RALGPS1: variants seen among roughly 807,000 people sequenced by gnomAD.
The protein encoded by RALGPS1 is Ral GEF with PH domain and SH3 binding motif 1.
RALGPS1 carries 19 observed loss-of-function variants against 78.8 expected under a neutral mutation model. The ratio of observed to expected loss-of-function variants is 0.24; its 90% CI spans 0.17 to 0.35. The LOEUF is 0.35. RALGPS1 is among the 10% of genes least tolerant of loss of function. The probability of loss-of-function intolerance (pLI) is 1.00; values close to 1 mark genes in which losing one functional copy is unlikely to be tolerated. For synonymous variants in RALGPS1, 228 were observed against 256.3 expected (o/e 0.89, Z 1.06); for missense variants, 454 against 688.3 (o/e 0.66, Z 3.81).
intron 7 of RALGPS1, among the ~76,000 whole-genome samples, chr9:127,055,709 C>G (rs2048684036): frequency 6.6e-6 from 1 of 152,228 alleles, no homozygotes; most frequent in African/African-American, 2.4e-5. Context: ...TGCTCTTAAC[C>G]ACCATACCCC....
chr9:127,208,665 C>T (rs924858378), intron 14 of RALGPS1, among the ~76,000 whole-genome samples: 4 of 152,150 alleles, frequency 2.6e-5, no homozygotes, highest in Non-Finnish European at 5.9e-5. Context: ...CTGTCAAGAG[C>T]CCACCCAGAG....
intron 4 of RALGPS1, among the ~76,000 whole-genome samples, chr9:127,005,571 G>GTT (rs201095428): frequency 1.1e-4 from 17 of 151,536 alleles, no homozygotes; most frequent in African/African-American, 3.9e-4. Context: ...TTCTCAGGAG[G>GTT]TTTTTTTTTA....
At chr9:127,014,089 G>A (rs1280305974) in intron 4 of RALGPS1, among the ~76,000 whole-genome samples, 1 of 152,208 alleles carries the variant, frequency 6.6e-6, no homozygotes, top group Non-Finnish European at 1.5e-5. Context: ...TGGCATTACT[G>A]ATTAAAGGAT....
intron 4 of RALGPS1, among the ~76,000 whole-genome samples, chr9:127,002,893 G>A (rs2043471323): frequency 6.6e-6 from 1 of 152,030 alleles, no homozygotes. Context: ...TGTGAATAAT[G>A]CTGCAATAAA....
At chr9:127,149,581 C>T (rs1167285242) in intron 8 of RALGPS1, among the ~76,000 whole-genome samples, 1 of 152,256 alleles carries the variant, frequency 6.6e-6, no homozygotes, top group Non-Finnish European at 1.5e-5. Context: ...AGGGCAAGGC[C>T]TGTGTGCCTA....
chr9:127,128,743 A>G (rs2056805812), intron 8 of RALGPS1, among the ~76,000 whole-genome samples: 1 of 152,212 alleles, frequency 6.6e-6, no homozygotes. Flanking sequence ...GGGGAACCAC[A>G]TGTTCCCTGG....
intron 1 of RALGPS1, among the ~76,000 whole-genome samples, chr9:126,961,019 G>A (rs558450793): frequency 6.6e-6 from 1 of 152,122 alleles, no homozygotes; most frequent in Non-Finnish European, 1.5e-5. Context: ...GATAACTGCA[G>A]TTGGTTCCAG....
intron 11 of RALGPS1, chr9:127,177,929 A>G (rs747196734): frequency 1.9e-6 from 3 of 1,548,528 alleles, no homozygotes; most frequent in Non-Finnish European, 2.6e-6. Context: ...AAGCCAGCCA[A>G]CCTCCAGCAT....
intron 8 of RALGPS1, among the ~76,000 whole-genome samples, chr9:127,093,378 C>T (rs563113703): frequency 6.6e-6 from 1 of 152,288 alleles, no homozygotes; most frequent in East Asian, 1.9e-4. Flanking sequence ...GGGTCTTTCC[C>T]CATGGAAACC....
At chr9:127,076,982 C>T (rs755390115) in intron 8 of RALGPS1, among the ~76,000 whole-genome samples, 16 of 152,052 alleles carry the variant, frequency 1.1e-4, no homozygotes, top group Non-Finnish European at 1.9e-4. Flanking sequence ...AAAAACTGGC[C>T]GGAGAGTAGT....
intron 8 of RALGPS1, among the ~76,000 whole-genome samples, chr9:127,107,449 C>G (rs1483560143): frequency 6.6e-6 from 1 of 152,192 alleles, no homozygotes. Flanking sequence ...CATGCCCAGC[C>G]CCTACAATGT....
Position 127,034,511 on chromosome 9 carries a change from C to T in RALGPS1, c.297C>T (p.Asn99=). Residue 99 remains asparagine (N), a synonymous_variant, in exon 5 of 19, where the codon AAC becomes AAT. Transcript: ENST00000259351. ...TTGTGGCCTTTACCCGGAGGTTTAA[C>T]CAGGTAAGCAACACCCCTTGCATGT... ...PNVVAFTRRF[N]QVSFWVVREI... The T allele has an allele frequency of 6.2e-7, 1 of 1,613,746 alleles. No homozygotes were observed. Among genetic ancestry groups the T allele is most frequent in the Non-Finnish European group, 8.5e-7 (1 of 1,179,688 alleles).
chr9:127,174,028 G>A (rs116126254), intron 10 of RALGPS1, among the ~76,000 whole-genome samples: 1,694 of 152,026 alleles, frequency 0.011, 30 homozygotes, highest in African/African-American at 0.038. Flanking sequence ...AGGGGAGGCC[G>A]AGGCGGGCAG....
chr9:127,084,854 G>A (rs181155573), intron 8 of RALGPS1, among the ~76,000 whole-genome samples: 8 of 152,300 alleles, frequency 5.3e-5, no homozygotes, highest in Admixed American at 1.3e-4. Flanking sequence ...CAGAAAGAGC[G>A]CCTTTTAGAC....
At chr9:127,156,691 A>C in intron 8 of RALGPS1, among the ~76,000 whole-genome samples, 1 of 151,964 alleles carries the variant, frequency 6.6e-6, no homozygotes, top group East Asian at 1.9e-4. Flanking sequence ...TTTCAGCTTC[A>C]TGTATGGTGT....
At chr9:127,104,602 C>T (rs1047156780) in intron 8 of RALGPS1, among the ~76,000 whole-genome samples, 2 of 152,246 alleles carry the variant, frequency 1.3e-5, no homozygotes, top group Non-Finnish European at 2.9e-5. Flanking sequence ...CTGCCTGTGC[C>T]TCCTCACTCA....
intron 8 of RALGPS1, chr9:127,093,980 C>G: frequency 6.4e-7 from 1 of 1,570,930 alleles, no homozygotes; most frequent in Admixed American, 1.7e-5. Context: ...CCAGGCCGCA[C>G]CCCCAGCTGC....
intron 5 of RALGPS1, among the ~76,000 whole-genome samples, chr9:127,048,826 A>G (rs540910129): frequency 1.3e-5 from 2 of 152,220 alleles, no homozygotes; most frequent in Non-Finnish European, 2.9e-5. Context: ...ATTGTGGGCA[A>G]TTCCTTGGAA....
At chr9:127,125,237 G>C (rs1252719826) in intron 8 of RALGPS1, among the ~76,000 whole-genome samples, 2 of 152,236 alleles carry the variant, frequency 1.3e-5, no homozygotes, top group Admixed American at 6.5e-5. Flanking sequence ...AAAAGCTCTT[G>C]TAGTTTCTGT....
Sources: gnomAD v4.1 joint callset for allele counts (sites outside exome capture counted in the v4.1 genomes callset) on GRCh38, gnomAD v4.1.1 for gene constraint, MANE v1.5 for transcripts, NCBI Gene and HGNC (gene_info 2026-07-23, HGNC 2026-07-21) for gene names.